Variants in ASIC4 observed in about 807,000 individuals in gnomAD.
The protein encoded by ASIC4 is acid-sensing ion channel 4.
In ASIC4, 28 loss-of-function variants were observed where a neutral mutation model predicts 53.4. The ratio of observed to expected loss-of-function variants is 0.52; its 90% CI spans 0.39 to 0.72. The LOEUF is 0.72. Ranked by LOEUF, ASIC4 falls within the 30% of genes least tolerant of loss-of-function variation. ASIC4 has a pLI of 0.00. For synonymous variants in ASIC4, 289 were observed against 301.4 expected, an observed-to-expected ratio of 0.96 and a Z score of 0.43; for missense variants, 649 against 729.7, an observed-to-expected ratio of 0.89 and a Z score of 1.27.
intron 4 of ASIC4, 97 bp from the exon 5 acceptor site, chr2:219,532,786 G>A: frequency 8.6e-7 from 1 of 1,156,256 alleles, no homozygotes; most frequent in African/African-American, 1.5e-5. Context: ...GCAAATGTGT[G>A]CATATGTGTG....
At chr2:219,510,152 T>C (rs922967662), upstream of ASIC4, among the ~76,000 whole-genome samples, 2 of 151,892 alleles carry the variant, frequency 1.3e-5, no homozygotes, top group Admixed American at 6.5e-5. The surrounding 1 kb of genome is among the most constrained non-coding windows in gnomAD (Gnocchi z 5.2). Flanking sequence ...TTCCCACTTA[T>C]CTCCTTGGCC....
rs956879973 is a variant in ASIC4, at chr2:219,516,851, G to C, written c.582+1545G>C. 6.6e-6 allele frequency: 1 copy of C among 152,436 alleles called. No individual in the cohort carries two copies. The highest frequency in any genetic ancestry group is 2.4e-5 in the African/African-American group (1 of 41,464). The allele number at this position is 152,436 out of a possible 1,614,324, so 9.4% of individuals were successfully genotyped here. ...AGCATTGTGCAGGGAGAAGAGTCGG[G>C]GGCATTGGCCTGTTGTCCGGCTGTA... On this transcript the variant is annotated intron_variant, in intron 1 of 9. Transcript: ENST00000358078. This position sits in a 1 kb window ranked among gnomAD's most constrained non-coding sequence, Gnocchi z 4.9.
rs1694749435 is a variant in ASIC4, at chr2:219,514,563, T to A, written c.-162T>A. On this transcript the variant is annotated 5_prime_UTR_variant, in exon 1 of 10. Transcript: ENST00000358078. ...CGGAGCTGCTGGGAGTGGGAGTGAC[T>A]CCCCCACCTCGGGCCCCCACCCTGT... 1.9e-6 allele frequency: 3 copies of A among 1,568,572 alleles called. No homozygotes were observed. The highest frequency in any genetic ancestry group is 2.6e-6 in the Non-Finnish European group (3 of 1,157,434).
At chr2:219,511,460 C>T (rs1694700914), upstream of ASIC4, among the ~76,000 whole-genome samples, 1 of 151,802 alleles carries the variant, frequency 6.6e-6, no homozygotes, top group South Asian at 2.1e-4. The surrounding 1 kb of genome is among the most constrained non-coding windows in gnomAD (Gnocchi z 5.3). Flanking sequence ...TTCTCACTGT[C>T]AGGAAGCTCA....
In ASIC4 at chr2:219,514,825, C is replaced by T. The variant is rs759371351; in HGVS notation, c.101C>T (p.Ala34Val). 6.2e-6 allele frequency: 10 copies of T among 1,613,270 alleles called. No homozygotes were observed. The highest frequency in any genetic ancestry group is 3.3e-4 in the Middle Eastern group (2 of 6,060). Residue 34 changes from alanine (A) to valine (V), a missense_variant, in exon 1 of 10, where the codon GCC (alanine) becomes GTC (valine). Coordinates refer to ENST00000358078, the MANE Select transcript of ASIC4 (RefSeq NM_018674.6). ...GAGCAGAGCCTCCTCGGGGCTGTTG[C>T]CCCTGGAGCAGCCCCCCGAGACCTG... ...GDEQSLLGAV[A>V]PGAAPRDLAT...
rs1427883070 is a variant in ASIC4 at position 219,532,419 on chromosome 2, G to C, written c.960G>C (p.Leu320=). 1 of 1,614,014 alleles carries C rather than the reference G, an allele frequency of 6.2e-7. No individual in the cohort carries two copies. Among genetic ancestry groups the C allele is most frequent in the South Asian group, 1.1e-5 (1 of 91,084 alleles). ...CCTACAGTGTGTCTGCCTGCCGGCT[G>C]CGCTGTGAAAAGGAGGCCGTGCTTC... ...YSAYSVSACR[L]RCEKEAVLQR... is the part of the protein sequence containing the mutation. The change falls in exon 4 of 10, where the codon CTG becomes CTC. Residue 320 remains leucine, a synonymous_variant. Coordinates refer to ENST00000358078, the MANE Select transcript of ASIC4 (RefSeq NM_018674.6).
chr2:219,510,045 AGAG>A (rs1694680942), upstream of ASIC4, among the ~76,000 whole-genome samples: 1 of 151,954 alleles, frequency 6.6e-6, no homozygotes, highest in Non-Finnish European at 1.5e-5. This position sits in a 1 kb window ranked among gnomAD's most constrained non-coding sequence, Gnocchi z 5.2. Flanking sequence ...CTCCTAGGAC[AGAG>A]GAGAGAAGGA....
rs1009697902 is a variant in ASIC4, at chr2:219,515,438, G to A, written c.582+132G>A. 1.8e-5 allele frequency: 22 copies of A among 1,250,880 alleles called. No individual in the cohort carries two copies. In the East Asian group the frequency reaches 2.0e-4, roughly 12 times the overall value. The allele number at this position is 1,250,880 out of a possible 1,614,324, so 77.5% of individuals were successfully genotyped here. ...CATTCCACCACCAGAGGCTGGCCTC[G>A]TGTTTCCCCAAGCCTGGCGTCTCCC... is the stretch of plus-strand genomic sequence containing the variant. On this transcript the variant is annotated intron_variant, in intron 1 of 9. Coordinates refer to ENST00000358078, the MANE Select transcript of ASIC4 (RefSeq NM_018674.6).
At position 219,514,630 on chromosome 2, in the gene ASIC4, C is replaced by T. The variant is rs547911834; in HGVS notation, c.-95C>T. On this transcript the variant is annotated 5_prime_UTR_variant, in exon 1 of 10. Transcript: ENST00000358078. The stretch of plus-strand genomic sequence containing the variant: ...CTTGCCCTGAGTTTAGAAGAGCAGC[C>T]GCTGCCACCACTGCCACTCGGGAGG... 3.1e-5 allele frequency: 50 copies of T among 1,610,816 alleles called. No individual in the cohort carries two copies. Among genetic ancestry groups the T allele is most frequent in the African/African-American group, 1.3e-4 (10 of 74,998 alleles).
intron 5 of ASIC4, among the ~76,000 whole-genome samples, 174 bp from the exon 6 acceptor site, chr2:219,534,997 T>C (rs942961715): frequency 1.5e-4 from 23 of 152,146 alleles, no homozygotes; most frequent in African/African-American, 5.3e-4. Context: ...TGAAGCTGGT[T>C]CAGGCGGGGA....
chr2:219,519,648 C>T (rs762775499), intron 1 of ASIC4, among the ~76,000 whole-genome samples: 5 of 152,318 alleles, frequency 3.3e-5, no homozygotes, highest in Middle Eastern at 6.8e-3. Flanking sequence ...ACTTGAAATG[C>T]GATTAGTGCG....
rs1252570847 is a variant in ASIC4, at chr2:219,532,404, G to T, written c.945G>T (p.Val315=). ...TTCAGGGCTACTCGGCCTACAGTGT[G>T]TCTGCCTGCCGGCTGCGCTGTGAAA... ...PELQGYSAYS[V]SACRLRCEKE... The change falls in exon 4 of 10, where the codon GTG becomes GTT. Residue 315 remains valine (V), a synonymous_variant. Transcript: ENST00000358078. 1 of 1,614,102 alleles carries T rather than the reference G, an allele frequency of 6.2e-7. No individual in the cohort carries two copies. The highest frequency in any genetic ancestry group is 2.2e-5 in the East Asian group (1 of 44,868).
the ASIC4 span, among the ~76,000 whole-genome samples, chr2:219,508,924 G>A: frequency 1.3e-5 from 2 of 150,908 alleles, no homozygotes; most frequent in African/African-American, 2.4e-5. Flanking sequence ...GCTGGGGGCC[G>A]GGGAGGGGGG....
chr2:219,528,551 G>GT (rs1694992929), intron 1 of ASIC4, among the ~76,000 whole-genome samples: 1 of 148,624 alleles, frequency 6.7e-6, no homozygotes, highest in African/African-American at 2.5e-5. Flanking sequence ...TGTTGTTGTT[G>GT]TTTTTTGAGA....
chr2:219,528,531 TTGTTGTTG>T (rs1475929306), intron 1 of ASIC4, among the ~76,000 whole-genome samples: 2 of 146,266 alleles, frequency 1.4e-5, no homozygotes, highest in African/African-American at 5.4e-5. Flanking sequence ...TCTGGACTTT[TTGTTGTTG>T]TTGTTGTTGT....
intron 1 of ASIC4, among the ~76,000 whole-genome samples, chr2:219,529,115 T>C (rs1363760725): frequency 6.6e-6 from 1 of 152,242 alleles, no homozygotes; most frequent in Non-Finnish European, 1.5e-5. Context: ...ACCAGTTGAA[T>C]TCTCTGAGCC....
At chr2:219,514,206 G>A, upstream of ASIC4, 1 of 1,081,398 alleles carries the variant, frequency 9.2e-7, no homozygotes, top group Non-Finnish European at 1.3e-6. Flanking sequence ...GGAGTTTGGG[G>A]GATAGCCCCA....
chr2:219,529,405 G>A (rs987023373), intron 1 of ASIC4, among the ~76,000 whole-genome samples: 2 of 152,198 alleles, frequency 1.3e-5, no homozygotes, highest in African/African-American at 4.8e-5. Context: ...GACAGGAAAG[G>A]AATTGAAGAG....
intron 6 of ASIC4, 149 bp downstream of exon 6, chr2:219,535,473 G>A: frequency 2.3e-6 from 2 of 881,122 alleles, no homozygotes; most frequent in Non-Finnish European, 3.4e-6. Context: ...ATGTGTGTGG[G>A]GTGTATGTGG....
Sources: allele counts gnomAD v4.1 joint callset (sites outside exome capture counted in the v4.1 genomes callset), GRCh38; gene constraint gnomAD v4.1.1; non-coding constraint Gnocchi (gnomAD v3.1); transcripts MANE v1.5; gene names NCBI Gene and HGNC (gene_info 2026-07-23, HGNC 2026-07-21).